The following CUL1 variants were observed in gnomAD, a reference collection of about 807,000 sequenced individuals.
CUL1 encodes the protein cullin 1, also known as cullin-1.
In CUL1, 24 loss-of-function variants were observed where a neutral mutation model predicts 118.0. That is an observed-to-expected ratio of 0.20 (90% confidence interval 0.15 to 0.29). CUL1 has a LOEUF of 0.29. Ranked by LOEUF, CUL1 falls within the 10% of genes least tolerant of loss-of-function variation. The pLI, the probability that CUL1 is intolerant of heterozygous loss-of-function variation, is 1.00. For synonymous variants in CUL1, 332 were observed against 340.4 expected (o/e 0.98, Z 0.27); for missense variants, 361 against 933.8 (o/e 0.39, Z 7.99).
chr7:148,731,017 G>A (rs1028176501), intron 2 of CUL1, among the ~76,000 whole-genome samples: 1 of 152,114 alleles, frequency 6.6e-6, no homozygotes, highest in African/African-American at 2.4e-5. Flanking sequence ...GTCTTGCTAT[G>A]TTGCCCGGGC....
intron 9 of CUL1, among the ~76,000 whole-genome samples, chr7:148,774,128 G>T (rs929838045): frequency 6.6e-6 from 1 of 152,200 alleles, no homozygotes. Context: ...TTCTCAAAGT[G>T]TGTGCAATGC....
chr7:148,746,102 G>A (rs1203919191), intron 2 of CUL1, among the ~76,000 whole-genome samples: 1 of 151,872 alleles, frequency 6.6e-6, no homozygotes, highest in Non-Finnish European at 1.5e-5. Context: ...TGTGTGTGAG[G>A]TCCTCTCTGA....
At chr7:148,747,382 T>C (rs761917982) in intron 2 of CUL1, among the ~76,000 whole-genome samples, 31 of 152,142 alleles carry the variant, frequency 2.0e-4, no homozygotes, top group Non-Finnish European at 4.3e-4. Flanking sequence ...TTCCCAGGCA[T>C]CTGAAGAAGA....
intron 9 of CUL1, among the ~76,000 whole-genome samples, chr7:148,773,663 C>T (rs1800298976): frequency 6.6e-6 from 1 of 152,200 alleles, no homozygotes. Flanking sequence ...CTGCGTGTGT[C>T]TTCTCAGCTG....
intron 2 of CUL1, among the ~76,000 whole-genome samples, chr7:148,738,936 C>T (rs1046080538): frequency 1.3e-5 from 2 of 152,086 alleles, no homozygotes; most frequent in East Asian, 3.9e-4. Flanking sequence ...GTTGAGGCAA[C>T]AGGTGGTGAG....
chr7:148,767,106 T>C (rs1198074351), intron 8 of CUL1, among the ~76,000 whole-genome samples: 1 of 152,218 alleles, frequency 6.6e-6, no homozygotes, highest in African/African-American at 2.4e-5. Flanking sequence ...TGGATTTTTC[T>C]TCTATGGTCC....
At chr7:148,748,761 A>G (rs1202834083) in intron 2 of CUL1, among the ~76,000 whole-genome samples, 2 of 152,234 alleles carry the variant, frequency 1.3e-5, no homozygotes, top group Non-Finnish European at 2.9e-5. Context: ...CTTGGCAACA[A>G]GTCTCATCAC....
intron 13 of CUL1, among the ~76,000 whole-genome samples, chr7:148,788,225 C>T (rs1800885052): frequency 6.6e-6 from 1 of 152,198 alleles, no homozygotes; most frequent in African/African-American, 2.4e-5. Context: ...TGGGGGCACA[C>T]AGTTCAGCTT....
chr7:148,743,156 A>G (rs1194683674), intron 2 of CUL1, among the ~76,000 whole-genome samples: 3 of 152,164 alleles, frequency 2.0e-5, no homozygotes, highest in Non-Finnish European at 1.5e-5. Context: ...GTCCTTTTAA[A>G]TGTATTGAAA....
Position 148,734,765 on chromosome 7 carries a change from C to G in CUL1, c.140+4503C>G, listed in dbSNP as rs1049018277. 1.2e-4 allele frequency among the ~76,000 whole-genome samples: 18 copies of G among 152,170 alleles called. 1 individual carries two copies. The highest frequency in any genetic ancestry group is 6.5e-5 in the Admixed American group (1 of 15,278). ...ATGCAGTGAAGTATGAGAGTCCGGC[C>G]TAGCTCGTGCAGGTGTCAGGTCACC... On this transcript the variant is annotated intron_variant, in intron 2 of 21. Coordinates refer to ENST00000325222, the MANE Select transcript of CUL1 (RefSeq NM_003592.3).
chr7:148,781,431 C>T (rs1398415134), intron 9 of CUL1, among the ~76,000 whole-genome samples: 2 of 152,110 alleles, frequency 1.3e-5, no homozygotes, highest in African/African-American at 4.8e-5. Flanking sequence ...GCAAGTCCTC[C>T]CATCTCACCA....
intron 11 of CUL1, 97 bp downstream of exon 11, chr7:148,784,174 T>C (rs1280812472): frequency 1.0e-6 from 1 of 962,006 alleles, no homozygotes; most frequent in African/African-American, 1.6e-5. Context: ...ATACATTAAA[T>C]TGGAATTTTT....
At chr7:148,757,183 G>T in intron 4 of CUL1, 33 bp downstream of exon 4, 1 of 1,349,068 alleles carries the variant, frequency 7.4e-7, no homozygotes. Flanking sequence ...TTTTAAATTT[G>T]TTTTTGTTTT....
At chr7:148,740,423 T>C (rs926650281) in intron 2 of CUL1, among the ~76,000 whole-genome samples, 1 of 152,242 alleles carries the variant, frequency 6.6e-6, no homozygotes, top group African/African-American at 2.4e-5. Context: ...TTCAATAGTT[T>C]CTGGTATATT....
At chr7:148,743,681 A>G (rs1799217205) in intron 2 of CUL1, among the ~76,000 whole-genome samples, 4 of 148,888 alleles carry the variant, frequency 2.7e-5, no homozygotes, top group African/African-American at 1.0e-4. Context: ...AGGCGGGCAG[A>G]TCGCCGGAGG....
At chr7:148,757,948 C>T (rs116935315) in intron 4 of CUL1, among the ~76,000 whole-genome samples, 1,930 of 152,260 alleles carry the variant, frequency 0.013, 13 homozygotes, top group Middle Eastern at 0.024. Flanking sequence ...GGGTGCCTCC[C>T]GCAACATGTG....
chr7:148,700,915 C>G (rs1033440705), intron 1 of CUL1, among the ~76,000 whole-genome samples: 2 of 152,148 alleles, frequency 1.3e-5, no homozygotes, highest in Non-Finnish European at 2.9e-5. Flanking sequence ...TGTACCACAT[C>G]AGAAGACAGA....
At chr7:148,769,380 C>T (rs1026496004) in intron 9 of CUL1, among the ~76,000 whole-genome samples, 2 of 141,126 alleles carry the variant, frequency 1.4e-5, no homozygotes, top group Admixed American at 7.3e-5. Flanking sequence ...GCTAAATGTT[C>T]CTTTAAAGGG....
intron 2 of CUL1, among the ~76,000 whole-genome samples, chr7:148,752,854 G>A (rs192140295): frequency 2.0e-5 from 3 of 152,228 alleles, no homozygotes; most frequent in East Asian, 1.9e-4. Flanking sequence ...GGGTTTCACC[G>A]TGTTAGCCAG....
Sources: allele counts gnomAD v4.1 joint callset (sites outside exome capture counted in the v4.1 genomes callset), GRCh38; gene constraint gnomAD v4.1.1; transcripts MANE v1.5; gene names NCBI Gene and HGNC (gene_info 2026-07-23, HGNC 2026-07-21).